Variants in COMMD1 observed in about 807,000 individuals in gnomAD.
COMMD1 encodes the protein COMM domain-containing protein 1.
A neutral mutation model predicts 17.2 loss-of-function variants in COMMD1; 10 were observed. The observed-to-expected ratio is 0.58, with a 90% CI of 0.36 to 0.99. The LOEUF is 0.99. Among genes scored for constraint, COMMD1 ranks in the 50% least tolerant of loss-of-function variants. COMMD1 has a pLI of 0.01. For synonymous variants in COMMD1, 97 were observed against 91.6 expected, an observed-to-expected ratio of 1.06 and a Z score of -0.34; for missense variants, 270 against 231.8, an observed-to-expected ratio of 1.17 and a Z score of -1.07.
chr2:61,928,882 G>T (rs1185667930), intron 1 of COMMD1, among the ~76,000 whole-genome samples: 1 of 152,134 alleles, frequency 6.6e-6, no homozygotes, highest in Non-Finnish European at 1.5e-5. Flanking sequence ...AAGGATACTA[G>T]AGAAAACTAT....
intron 1 of COMMD1, among the ~76,000 whole-genome samples, chr2:61,955,619 G>T (rs1700450380): frequency 6.6e-6 from 1 of 151,596 alleles, no homozygotes; most frequent in Admixed American, 6.6e-5. Flanking sequence ...TTTACTTTTT[G>T]TCTTTGATTC....
chr2:62,070,454 A>G (rs1671167990), intron 2 of COMMD1: 1 of 149,546 alleles, frequency 6.7e-6, no homozygotes, highest in African/African-American at 2.5e-5. Context: ...GTTACTGTGG[A>G]GGCTGATCAC....
chr2:61,988,213 C>CT (rs1389465669), intron 1 of COMMD1, among the ~76,000 whole-genome samples: 1 of 152,072 alleles, frequency 6.6e-6, no homozygotes, highest in Non-Finnish European at 1.5e-5. Context: ...TTTCCTTCTA[C>CT]TTTTTTCAAG....
At chr2:62,122,659 C>T (rs1313718501) in intron 2 of COMMD1, among the ~76,000 whole-genome samples, 1 of 152,206 alleles carries the variant, frequency 6.6e-6, no homozygotes, top group African/African-American at 2.4e-5. Context: ...TTCTTCCTTT[C>T]AGAAACAAGG....
chr2:61,917,305 C>T (rs1015791570), intron 1 of COMMD1, among the ~76,000 whole-genome samples: 3 of 150,580 alleles, frequency 2.0e-5, no homozygotes, highest in African/African-American at 7.3e-5. Flanking sequence ...TGCAGTGAGC[C>T]GAGATTGTGC....
intron 1 of COMMD1, among the ~76,000 whole-genome samples, chr2:61,941,274 C>T (rs561568737): frequency 4.6e-5 from 7 of 152,046 alleles, no homozygotes; most frequent in Admixed American, 1.3e-4. Flanking sequence ...GTGATCCACC[C>T]GCCTCAGCCT....
intron 2 of COMMD1, among the ~76,000 whole-genome samples, chr2:62,121,955 C>G (rs1327823046): frequency 6.6e-6 from 1 of 152,014 alleles, no homozygotes; most frequent in Admixed American, 6.6e-5. Flanking sequence ...CCGTGCCCAG[C>G]TAATTTTTTG....
rs572186267 is a variant in COMMD1 at position 61,996,520 on chromosome 2, G to A, written c.181-4181G>A. Among the ~76,000 whole-genome samples the A allele has an allele frequency of 5.9e-5, 9 of 152,260 alleles. No individual in the cohort carries two copies. The South Asian group carries it at 1.9e-3, about 32-fold the overall frequency. The stretch of plus-strand genomic sequence containing the variant: ...CATGAAAGATTTCTCTGTAGCATGT[G>A]ATGCTGTTTGATAGCATTTTACCCA... On this transcript the variant is annotated intron_variant, in intron 1 of 2. Transcript: ENST00000311832.
chr2:61,993,804 A>G (rs1668662918), intron 1 of COMMD1, among the ~76,000 whole-genome samples: 2 of 152,240 alleles, frequency 1.3e-5, no homozygotes, highest in African/African-American at 4.8e-5. Context: ...CCCAACCAAA[A>G]TAACTTTTGT....
intron 2 of COMMD1, among the ~76,000 whole-genome samples, chr2:62,041,298 A>AT (rs1434312724): frequency 1.3e-5 from 2 of 152,214 alleles, no homozygotes; most frequent in Non-Finnish European, 2.9e-5. Flanking sequence ...TTAATAATGA[A>AT]AACTACTTGT....
intron 2 of COMMD1, among the ~76,000 whole-genome samples, chr2:62,032,387 T>C (rs1450327094): frequency 6.6e-6 from 1 of 152,040 alleles, no homozygotes; most frequent in Admixed American, 6.6e-5. Context: ...AATGTAAAAA[T>C]TAGCCAAGCG....
intron 2 of COMMD1, among the ~76,000 whole-genome samples, chr2:62,124,712 G>A (rs1672843650): frequency 1.3e-5 from 2 of 152,182 alleles, no homozygotes; most frequent in South Asian, 4.2e-4. Context: ...ACCAAGCCCG[G>A]CTAATTTTTG....
chr2:62,119,735 G>A lies in COMMD1; in HGVS notation c.463-16096G>A, dbSNP rs1573207822. ...AGTAAGTTGGTGATCCCTTTTGTTG[G>A]AGAAGAACTGCAATCCCAGAATTGG... On this transcript the variant is annotated intron_variant, in intron 2 of 2. Coordinates refer to ENST00000311832, the MANE Select transcript of COMMD1 (RefSeq NM_152516.4). Among the ~76,000 whole-genome samples, 5 of 152,314 alleles carry A rather than the reference G, an allele frequency of 3.3e-5. No homozygotes were observed. The South Asian group carries it at 1.0e-3, about 32-fold the overall frequency.
At chr2:62,129,852 G>A (rs2104097675) in intron 2 of COMMD1, among the ~76,000 whole-genome samples, 1 of 152,292 alleles carries the variant, frequency 6.6e-6, no homozygotes, top group African/African-American at 2.4e-5. Flanking sequence ...ACAGAGGATA[G>A]GCTTTATGGC....
chr2:61,900,501 A>T (rs1261688619), intron 1 of COMMD1, among the ~76,000 whole-genome samples: 2 of 152,216 alleles, frequency 1.3e-5, no homozygotes, highest in Non-Finnish European at 2.9e-5. Flanking sequence ...GCATGGCCTT[A>T]GGTCTTTCTA....
chr2:62,111,734 GTACT>G (rs1302394646), intron 2 of COMMD1, among the ~76,000 whole-genome samples: 3 of 152,150 alleles, frequency 2.0e-5, no homozygotes. Flanking sequence ...GCTTCTGAGG[GTACT>G]TCTGGGGCCA....
At chr2:62,025,952 C>A (rs1283377923) in intron 2 of COMMD1, among the ~76,000 whole-genome samples, 1 of 152,090 alleles carries the variant, frequency 6.6e-6, no homozygotes, top group African/African-American at 2.4e-5. Context: ...CCTTGGCCTC[C>A]CAAAGTGGTG....
At chr2:62,041,821 C>CT (rs1274960562) in intron 2 of COMMD1, among the ~76,000 whole-genome samples, 1 of 152,226 alleles carries the variant, frequency 6.6e-6, no homozygotes, top group Non-Finnish European at 1.5e-5. Flanking sequence ...GGTTCGTGGT[C>CT]TCGCTGGCTT....
chr2:62,086,032 T>A (rs542956904), intron 2 of COMMD1, among the ~76,000 whole-genome samples: 1 of 150,824 alleles, frequency 6.6e-6, no homozygotes, highest in Non-Finnish European at 1.5e-5. Flanking sequence ...CCAGGCGTGG[T>A]GGCACACACC....
Sources: gnomAD v4.1 joint callset for allele counts (sites outside exome capture counted in the v4.1 genomes callset) on GRCh38, gnomAD v4.1.1 for gene constraint, MANE v1.5 for transcripts, NCBI Gene and HGNC (gene_info 2026-07-23, HGNC 2026-07-21) for gene names.